ZNF143: variants seen among roughly 807,000 people sequenced by gnomAD.
The protein encoded by ZNF143 is SPH-binding factor.
Under a neutral mutation model 74.1 loss-of-function variants are expected in ZNF143, and 49 were observed. That is an observed-to-expected ratio of 0.66 (90% CI 0.53 to 0.84). The LOEUF is 0.84. Ranked by LOEUF, ZNF143 falls within the 40% of genes least tolerant of loss-of-function variation. ZNF143 has a pLI of 0.00. For synonymous variants in ZNF143, 304 were observed against 282.8 expected, an observed-to-expected ratio of 1.07 and a Z score of -0.75; for missense variants, 637 against 793.4, an observed-to-expected ratio of 0.80 and a Z score of 2.37.
intron 11 of ZNF143, among the ~76,000 whole-genome samples, chr11:9,504,327 T>C (rs1848277602): frequency 7.9e-6 from 1 of 126,362 alleles, no homozygotes; most frequent in Non-Finnish European, 1.9e-5. Flanking sequence ...TTCAAATCCT[T>C]TGCCCGTTTT....
At chr11:9,511,783 G>A (rs1589936295) in intron 12 of ZNF143, among the ~76,000 whole-genome samples, 1 of 122,196 alleles carries the variant, frequency 8.2e-6, no homozygotes, top group African/African-American at 3.2e-5. Flanking sequence ...ACGGAGTCTT[G>A]CTCTGTCGCC....
chr11:9,487,462 C>G (rs1272988523), intron 7 of ZNF143, among the ~76,000 whole-genome samples: 1 of 151,210 alleles, frequency 6.6e-6, no homozygotes, highest in Non-Finnish European at 1.5e-5. Context: ...CGGGTTCATG[C>G]TTCTCCTGCC....
Position 9,474,604 on chromosome 11 carries a change from C to T in ZNF143, c.344C>T (p.Thr115Ile). Residue 115 changes from threonine to isoleucine, a missense_variant, in exon 5 of 16, where the codon ACC becomes ATC. Coordinates refer to ENST00000396602, the MANE Select transcript of ZNF143 (RefSeq NM_003442.6). ...CAAGCAGTACAGTTAGAAGATGGTACCACAGCATTTATTCACCACACCTCC... is the reference window on the plus strand; with the variant it reads ...CAAGCAGTACAGTTAGAAGATGGTATCACAGCATTTATTCACCACACCTCC... ...DGQAVQLEDG[T>I]TAFIHHTSKD... 1 of 1,613,982 alleles carries T rather than the reference C, an allele frequency of 6.2e-7. No individual in the cohort carries two copies. Among genetic ancestry groups the T allele is most frequent in the East Asian group, 2.2e-5 (1 of 44,866 alleles).
intron 1 of ZNF143, among the ~76,000 whole-genome samples, chr11:9,468,160 T>G (rs1856358325): frequency 6.6e-6 from 1 of 152,208 alleles, no homozygotes; most frequent in African/African-American, 2.4e-5. Flanking sequence ...CTTACCAAAC[T>G]GCTCTGTGCA....
chr11:9,486,421 T>TATATATATAATATATA (rs1565039253), intron 7 of ZNF143, among the ~76,000 whole-genome samples: 35 of 18,526 alleles, frequency 1.9e-3, no homozygotes, highest in African/African-American at 4.8e-3. Flanking sequence ...TAATATATAT[T>TATATATATAATATATA]ATATATATTA....
Position 9,484,800 on chromosome 11 carries a change from A to ATTTTTTTTTTTTTTTTTTTTT in ZNF143, c.645+5269_645+5270insTTTTTTTTTTTTTTTTTTTTT, listed in dbSNP as rs1381085964. On this transcript the variant is annotated intron_variant, in intron 7 of 15. Coordinates refer to ENST00000396602, the MANE Select transcript of ZNF143 (RefSeq NM_003442.6). ...CGTGAGCCACCGCACCTGGCCAAAG[A>ATTTTTTTTTTTTTTTTTTTTT]TTTTTTTTTTTTTTTGAGACGGAGT... 1.9e-4 allele frequency among the ~76,000 whole-genome samples: 13 copies of ATTTTTTTTTTTTTTTTTTTTT among 67,008 alleles called. 3 individuals are homozygous for ATTTTTTTTTTTTTTTTTTTTT. Among genetic ancestry groups the ATTTTTTTTTTTTTTTTTTTTT allele is most frequent in the East Asian group, 9.8e-4 (2 of 2,040 alleles). 44.0% of individuals were successfully genotyped at this position (67,008 alleles called of 152,430 possible). A position where few individuals can be genotyped will look rare whatever the true frequency, so the allele number is the denominator to read the frequency against.
chr11:9,463,757 T>G (rs1856012923), intron 1 of ZNF143: 1 of 152,220 alleles, frequency 6.6e-6, no homozygotes, highest in East Asian at 1.9e-4. Flanking sequence ...AAGGACTGGT[T>G]GTGTTCTTCA....
At chr11:9,477,358 G>A (rs140080492) in intron 5 of ZNF143, among the ~76,000 whole-genome samples, 33 of 151,712 alleles carry the variant, frequency 2.2e-4, no homozygotes, top group African/African-American at 6.3e-4. Context: ...GGGTTCAAGC[G>A]ATTCTCCTGC....
At chr11:9,484,560 A>G (rs951928271) in intron 7 of ZNF143, among the ~76,000 whole-genome samples, 1 of 148,406 alleles carries the variant, frequency 6.7e-6, no homozygotes, top group African/African-American at 2.5e-5. Context: ...TCTAAAAGAA[A>G]GGTATTAATT....
chr11:9,512,480 A>G lies in ZNF143; in HGVS notation c.1408A>G (p.Ile470Val), dbSNP rs377150396. 5 of 1,614,246 alleles carry G rather than the reference A, an allele frequency of 3.1e-6. No individual in the cohort carries two copies. The highest frequency in any genetic ancestry group is 1.1e-5 in the South Asian group (1 of 91,092). ...TGAAGATGTTCTTAAAGGGTCCCAG[A>G]TTACGTATGTTACAGGTGTAGAAGG... is the stretch of plus-strand genomic sequence containing the variant. ...QGEDVLKGSQITYVTGVEGDD... is the reference protein window; with the variant it reads ...QGEDVLKGSQVTYVTGVEGDD... The change falls in exon 13 of 16, where the codon ATT (isoleucine) becomes GTT (valine). Residue 470 changes from isoleucine (I) to valine (V), a missense_variant. Physicochemically the swap from Ile to Val is conservative, Grantham distance 29. Transcript: ENST00000396602.
intron 1 of ZNF143, among the ~76,000 whole-genome samples, chr11:9,467,297 A>T (rs1441613643): frequency 6.8e-6 from 1 of 147,732 alleles, no homozygotes; most frequent in Non-Finnish European, 1.5e-5. Flanking sequence ...GTGCAGTGGC[A>T]CCATCTTGGC....
intron 14 of ZNF143, among the ~76,000 whole-genome samples, chr11:9,523,022 G>A (rs1848993363): frequency 6.6e-6 from 1 of 152,208 alleles, no homozygotes; most frequent in South Asian, 2.1e-4. Context: ...ACCCACCTCG[G>A]CCTCCCAAAG....
At chr11:9,462,403 CA>C (rs1855919105) in intron 1 of ZNF143, among the ~76,000 whole-genome samples, 2 of 151,674 alleles carry the variant, frequency 1.3e-5, no homozygotes, top group East Asian at 1.9e-4. Flanking sequence ...CATGTTTCTA[CA>C]AAAAAAATTT....
chr11:9,520,323 A>ATT (rs984661960), intron 14 of ZNF143, among the ~76,000 whole-genome samples: 48 of 122,376 alleles, frequency 3.9e-4, no homozygotes, highest in African/African-American at 4.7e-4. Flanking sequence ...TGCCTGTCCA[A>ATT]TTTTTTTTTT....
At chr11:9,468,192 T>C (rs1346321601) in intron 1 of ZNF143, among the ~76,000 whole-genome samples, 2 of 152,232 alleles carry the variant, frequency 1.3e-5, no homozygotes, top group African/African-American at 4.8e-5. Context: ...TATTAAACCA[T>C]GTCCATTAGT....
At chr11:9,523,021 G>A (rs1220920358) in intron 14 of ZNF143, among the ~76,000 whole-genome samples, 2 of 151,912 alleles carry the variant, frequency 1.3e-5, no homozygotes, top group African/African-American at 2.4e-5. Flanking sequence ...CACCCACCTC[G>A]GCCTCCCAAA....
At chr11:9,522,442 T>G (rs933783685) in intron 14 of ZNF143, among the ~76,000 whole-genome samples, 5 of 152,206 alleles carry the variant, frequency 3.3e-5, no homozygotes, top group Non-Finnish European at 4.4e-5. Context: ...TCTAGTTACA[T>G]GTATATTAAC....
At chr11:9,484,706 C>T (rs1181736463) in intron 7 of ZNF143, among the ~76,000 whole-genome samples, 1 of 149,160 alleles carries the variant, frequency 6.7e-6, no homozygotes, top group Non-Finnish European at 1.5e-5. Flanking sequence ...GTAACCTCCA[C>T]CTCCCAGTTG....
chr11:9,477,167 CT>C (rs1405778272), intron 5 of ZNF143, among the ~76,000 whole-genome samples: 3 of 134,152 alleles, frequency 2.2e-5, no homozygotes, highest in Admixed American at 7.5e-5. Flanking sequence ...TCCTTCCTTC[CT>C]TCCTCCTCTC....
Sources: allele counts gnomAD v4.1 joint callset (sites outside exome capture counted in the v4.1 genomes callset), GRCh38; gene constraint gnomAD v4.1.1; transcripts MANE v1.5; gene names NCBI Gene and HGNC (gene_info 2026-07-23, HGNC 2026-07-21).